TMC5: variants seen among roughly 807,000 people sequenced by gnomAD.
TMC5 encodes the protein transmembrane channel like 5.
Under a neutral mutation model 110.5 loss-of-function variants are expected in TMC5, and 86 were observed. The observed-to-expected ratio is 0.78, with a 90% confidence interval of 0.65 to 0.93. The LOEUF (loss-of-function observed/expected upper bound fraction) is 0.93, where lower values mean the gene tolerates loss of function less well. TMC5 is among the 40% of genes least tolerant of loss of function. The probability of loss-of-function intolerance (pLI) is 0.00; values close to 1 mark genes in which losing one functional copy is unlikely to be tolerated. For missense variants in TMC5, 1,144 were observed against 1,222.8 expected (o/e 0.94, Z 0.96); for synonymous variants, 455 against 439.5 (o/e 1.04, Z -0.44).
At chr16:19,482,675 G>A (rs1289948941) in intron 15 of TMC5, among the ~76,000 whole-genome samples, 1 of 152,048 alleles carries the variant, frequency 6.6e-6, no homozygotes, top group Non-Finnish European at 1.5e-5. Context: ...CACACAGAGA[G>A]GGCTGTGTGT....
At chr16:19,449,940 CT>C (rs1967712426) in intron 5 of TMC5, among the ~76,000 whole-genome samples, 1 of 152,128 alleles carries the variant, frequency 6.6e-6, no homozygotes. Context: ...AATTAAACCT[CT>C]TTTGTCTATA....
At chr16:19,446,128 A>G (rs1967610492) in intron 4 of TMC5, among the ~76,000 whole-genome samples, 1 of 151,272 alleles carries the variant, frequency 6.6e-6, no homozygotes, top group South Asian at 2.1e-4. Flanking sequence ...GGAAGGAAGG[A>G]AGGGAGGAAG....
At chr16:19,456,827 A>G in intron 5 of TMC5, 1 of 1,614,252 alleles carries the variant, frequency 6.2e-7, no homozygotes, top group South Asian at 1.1e-5. Context: ...AGACTCAAGC[A>G]TCAACATGGT....
Position 19,440,645 on chromosome 16 carries a change from G to A in TMC5, c.607G>A (p.Gly203Arg). The A allele has an allele frequency of 1.2e-6, 2 of 1,614,120 alleles. No individual in the cohort carries two copies. The highest frequency in any genetic ancestry group is 1.7e-6 in the Non-Finnish European group (2 of 1,180,018). Residue 203 changes from glycine to arginine, a missense_variant, in exon 3 of 22, where the codon GGA becomes AGA. Gly to Arg is a moderately radical substitution (Grantham distance 125). Coordinates refer to ENST00000542583, the MANE Select transcript of TMC5 (RefSeq NM_001261841.2). ...AATCAATCCATACGCAGACTCTCTG[G>A]GAAAGCCTGATTATCCAGGCGCTGA... is the stretch of plus-strand genomic sequence containing the variant. ...FRINPYADSL[G>R]KPDYPGADIQ...
rs72785308 is a variant in TMC5, at chr16:19,444,146, G to C, written c.854G>C (p.Ser285Thr). The change falls in exon 4 of 22, where the codon AGT becomes ACT. Residue 285 changes from serine to threonine, a missense_variant. By Grantham distance (58) the Ser-to-Thr change is moderately conservative. Coordinates refer to ENST00000542583, the MANE Select transcript of TMC5 (RefSeq NM_001261841.2). ...CACAGGAGTGATGACCCCGTGGGCA[G>C]TCTTTGGGGAGAGAATGATTACCCT... is the stretch of plus-strand genomic sequence containing the variant. ...FRHRSDDPVG[S>T]LWGENDYPEG... 4.3e-6 allele frequency: 7 copies of C among 1,614,004 alleles called. No individual in the cohort carries two copies. The highest frequency in any genetic ancestry group is 3.3e-4 in the Middle Eastern group (2 of 6,072).
upstream of TMC5, among the ~76,000 whole-genome samples, chr16:19,416,646 C>G (rs1966878539): frequency 6.6e-6 from 1 of 152,148 alleles, no homozygotes; most frequent in South Asian, 2.1e-4. Flanking sequence ...GTGCCAGAGT[C>G]AGCATTTGAA....
intron 19 of TMC5, 39 bp downstream of exon 19, chr16:19,492,267 C>G (rs1365164526): frequency 6.8e-7 from 1 of 1,464,344 alleles, no homozygotes; most frequent in Non-Finnish European, 9.6e-7. Context: ...CGCCCTCACC[C>G]TTTTTAAACG....
chr16:19,437,005 G>C (rs1967364602), intron 2 of TMC5, among the ~76,000 whole-genome samples: 2 of 152,074 alleles, frequency 1.3e-5, no homozygotes, highest in African/African-American at 4.8e-5. Context: ...GAGAAACCCT[G>C]TCTCTATAAA....
At chr16:19,454,407 G>C (rs1321894718) in intron 5 of TMC5, among the ~76,000 whole-genome samples, 2 of 152,170 alleles carry the variant, frequency 1.3e-5, no homozygotes, top group Non-Finnish European at 2.9e-5. Flanking sequence ...AAATGACTAA[G>C]AGTTCTGCTT....
At chr16:19,475,881 T>A (rs1282375281) in intron 12 of TMC5, among the ~76,000 whole-genome samples, 1 of 150,740 alleles carries the variant, frequency 6.6e-6, no homozygotes, top group Non-Finnish European at 1.5e-5. Context: ...CTCTGCAGTA[T>A]AATTTTCTTA....
intron 1 of TMC5, among the ~76,000 whole-genome samples, chr16:19,419,370 G>A (rs1253097264): frequency 1.3e-5 from 2 of 148,932 alleles, no homozygotes; most frequent in East Asian, 3.9e-4. Flanking sequence ...ACTAGAGAGG[G>A]GAAAAGAAGC....
At chr16:19,481,324 A>C (rs1259762671) in intron 14 of TMC5, 46 bp from the exon 15 acceptor site, 2 of 1,324,242 alleles carry the variant, frequency 1.5e-6, no homozygotes, top group Non-Finnish European at 1.1e-6. Context: ...GATCTTCTGA[A>C]AGTGGGAGTT....
intron 2 of TMC5, among the ~76,000 whole-genome samples, chr16:19,436,407 A>G (rs1053451063): frequency 2.6e-5 from 4 of 152,092 alleles, no homozygotes; most frequent in Non-Finnish European, 5.9e-5. Context: ...TTTACTAGGC[A>G]TCGTTCAGCT....
At chr16:19,433,520 C>A (rs1163903819) in intron 2 of TMC5, among the ~76,000 whole-genome samples, 1 of 152,198 alleles carries the variant, frequency 6.6e-6, no homozygotes, top group African/African-American at 2.4e-5. Context: ...GCTTTGTTTG[C>A]TGGTGACCCT....
At chr16:19,466,924 C>G (rs1167709392) in intron 9 of TMC5, among the ~76,000 whole-genome samples, 1 of 152,076 alleles carries the variant, frequency 6.6e-6, no homozygotes, top group Non-Finnish European at 1.5e-5. Context: ...GCAGGCTGAT[C>G]ACTTGAGTCC....
intron 8 of TMC5, among the ~76,000 whole-genome samples, chr16:19,464,809 C>T (rs1968116524): frequency 6.6e-6 from 1 of 150,858 alleles, no homozygotes. Flanking sequence ...TTTTCTTTGT[C>T]CAACTCCCCA....
chr16:19,493,455 C>CTCTCTCTCTCTT (rs1968967078), intron 19 of TMC5, among the ~76,000 whole-genome samples: 2 of 43,690 alleles, frequency 4.6e-5, no homozygotes, highest in African/African-American at 1.5e-4. Context: ...GTCTCTCTCT[C>CTCTCTCTCTCTT]TCTCTCTCTC....
At chr16:19,419,402 GTTTTT>G (rs55696911) in intron 1 of TMC5, among the ~76,000 whole-genome samples, 31 of 65,648 alleles carry the variant, frequency 4.7e-4, no homozygotes, top group Middle Eastern at 0.014. Flanking sequence ...GAATGTGTTG[GTTTTT>G]TTTTTTTTTT....
At position 19,440,325 on chromosome 16, in the gene TMC5, G is replaced by C. The variant is rs1463793805; in HGVS notation, c.287G>C (p.Arg96Thr). The C allele has an allele frequency of 6.2e-7, 1 of 1,613,952 alleles. No homozygotes were observed. Among genetic ancestry groups the C allele is most frequent in the African/African-American group, 1.3e-5 (1 of 74,886 alleles). ...AGCAATGCATACTCTGCAGCCTCTA[G>C]AACAAGCCCAGACCATCCTACCTCT... is the stretch of plus-strand genomic sequence containing the variant. ...TRSNAYSAAS[R>T]TSPDHPTSLP... The change falls in exon 3 of 22, where the codon AGA becomes ACA. Residue 96 changes from arginine (R) to threonine (T), a missense_variant. Arg to Thr is a moderately conservative substitution (Grantham distance 71). Transcript: ENST00000542583.
Sources: allele counts gnomAD v4.1 joint callset (sites outside exome capture counted in the v4.1 genomes callset), GRCh38; gene constraint gnomAD v4.1.1; transcripts MANE v1.5; gene names NCBI Gene and HGNC (gene_info 2026-07-23, HGNC 2026-07-21).